Variants in IPCEF1 observed in about 807,000 individuals in gnomAD.
IPCEF1 encodes interactor protein for cytohesin exchange factors 1.
IPCEF1 carries 31 observed loss-of-function variants against 50.9 expected under a neutral mutation model. That is an observed-to-expected ratio of 0.61 (90% CI 0.46 to 0.82). The LOEUF is 0.82. IPCEF1 is among the 40% of genes least tolerant of loss of function. The pLI is 0.00. For missense variants in IPCEF1, 458 were observed against 514.0 expected (o/e 0.89, Z 1.05); for synonymous variants, 181 against 192.0 (o/e 0.94, Z 0.47).
chr6:154,210,561 T>C (rs755776711), intron 9 of IPCEF1, among the ~76,000 whole-genome samples: 1 of 152,202 alleles, frequency 6.6e-6, no homozygotes, highest in Non-Finnish European at 1.5e-5. Context: ...AAGGGTAAAC[T>C]AATCAGAAAG....
chr6:154,257,859 C>T (rs970701171), intron 3 of IPCEF1, among the ~76,000 whole-genome samples: 2 of 152,114 alleles, frequency 1.3e-5, no homozygotes, highest in South Asian at 4.1e-4. Flanking sequence ...CACACCAGGA[C>T]ATCTGGCTAA....
intron 1 of IPCEF1, among the ~76,000 whole-genome samples, chr6:154,356,067 A>G (rs1467073476): frequency 2.0e-5 from 3 of 152,214 alleles, no homozygotes; most frequent in Admixed American, 6.5e-5. Context: ...TGCTGTAGTC[A>G]AAGATGCTTC....
chr6:154,353,293 C>CTTT lies in IPCEF1; in HGVS notation c.-62+3376_-62+3378dup, dbSNP rs914097422. On this transcript the variant is annotated intron_variant, in intron 1 of 11. Transcript: ENST00000367220. ...GTCCATTTCTTTTCTTTTCCTTTTC[C>CTTT]TTTTTTTTTTTTTTTTTTTTGAGAT... Among the ~76,000 whole-genome samples the CTTT allele has an allele frequency of 3.7e-3, 470 of 127,836 alleles. 12 individuals carry two copies. Among genetic ancestry groups the CTTT allele is most frequent in the African/African-American group, 0.013 (433 of 33,266 alleles). The allele number at this position is 127,836 out of a possible 152,430, so 83.9% of individuals were successfully genotyped here.
chr6:154,187,643 C>T lies in IPCEF1; in HGVS notation c.910+12025G>A, dbSNP rs116688003. Among the ~76,000 whole-genome samples, 1,047 of 152,292 alleles carry T rather than the reference C, an allele frequency of 6.9e-3. 16 individuals are homozygous for T. The highest frequency in any genetic ancestry group is 0.023 in the African/African-American group (960 of 41,564). On this transcript the variant is annotated intron_variant, in intron 10 of 11. Coordinates refer to ENST00000367220, the MANE Select transcript of IPCEF1 (RefSeq NM_001130700.2). ...TCTTAGTTATATATGGCTTGGCTCA[C>T]ATCATGTCTCACTCAACCCTGTGTC... is the stretch of plus-strand genomic sequence containing the variant.
intron 1 of IPCEF1, among the ~76,000 whole-genome samples, chr6:154,333,410 G>T (rs1175461248): frequency 6.6e-6 from 1 of 152,026 alleles, no homozygotes; most frequent in African/African-American, 2.4e-5. Context: ...TCCTATGCTG[G>T]ATGCTTCCTG....
At chr6:154,277,873 GCCAGCTTCCTGTGGTCCGC>G (rs1009669609) in intron 2 of IPCEF1, among the ~76,000 whole-genome samples, 5 of 150,948 alleles carry the variant, frequency 3.3e-5, no homozygotes, top group Non-Finnish European at 5.9e-5. Context: ...TTTTTTTCCA[GCCAGCTTCCTGTGGTCCGC>G]CCAGCTTCCT....
intron 10 of IPCEF1, among the ~76,000 whole-genome samples, chr6:154,180,068 C>T (rs140261110): frequency 7.6e-4 from 115 of 152,290 alleles, no homozygotes; most frequent in African/African-American, 2.6e-3. Flanking sequence ...ACAACTAGCA[C>T]ACTGAGATTT....
At chr6:154,343,496 C>T (rs577666231) in intron 1 of IPCEF1, among the ~76,000 whole-genome samples, 7 of 152,266 alleles carry the variant, frequency 4.6e-5, no homozygotes, top group South Asian at 2.1e-4. Context: ...TTCCAAAATG[C>T]TCCACTTCCC....
chr6:154,292,638 A>G (rs1283506479), intron 1 of IPCEF1, among the ~76,000 whole-genome samples: 1 of 152,018 alleles, frequency 6.6e-6, no homozygotes, highest in Non-Finnish European at 1.5e-5. Flanking sequence ...TGTAACCTGT[A>G]CTCCCTGTTG....
intron 10 of IPCEF1, among the ~76,000 whole-genome samples, chr6:154,196,653 G>A (rs1481471417): frequency 6.6e-6 from 1 of 152,070 alleles, no homozygotes; most frequent in Non-Finnish European, 1.5e-5. Context: ...CATAAGTCAT[G>A]GTTCAAAAAA....
intron 9 of IPCEF1, among the ~76,000 whole-genome samples, chr6:154,203,201 G>A (rs902740782): frequency 6.6e-6 from 1 of 152,172 alleles, no homozygotes; most frequent in African/African-American, 2.4e-5. Flanking sequence ...GCAGAAGGCA[G>A]TGCTAGTCTC....
At chr6:154,204,721 C>T (rs1252264411) in intron 9 of IPCEF1, among the ~76,000 whole-genome samples, 1 of 152,158 alleles carries the variant, frequency 6.6e-6, no homozygotes, top group Admixed American at 6.5e-5. Context: ...ATCAGTGCCC[C>T]CCATCCCACC....
intron 5 of IPCEF1, among the ~76,000 whole-genome samples, chr6:154,242,132 C>T (rs868729360): frequency 1.8e-4 from 27 of 152,108 alleles, no homozygotes; most frequent in Non-Finnish European, 1.0e-4. Context: ...TGGCACAGCT[C>T]GTTTATATTT....
chr6:154,274,061 T>C (rs1451301032), intron 2 of IPCEF1, among the ~76,000 whole-genome samples: 1 of 151,724 alleles, frequency 6.6e-6, no homozygotes, highest in African/African-American at 2.4e-5. Flanking sequence ...CTGCTTTTTT[T>C]TTTTTTAACT....
At chr6:154,318,258 TC>T (rs1367869195) in intron 1 of IPCEF1, among the ~76,000 whole-genome samples, 5 of 152,100 alleles carry the variant, frequency 3.3e-5, no homozygotes, top group Non-Finnish European at 7.4e-5. Flanking sequence ...TAGTTTGAGT[TC>T]CATGAACATA....
At chr6:154,256,592 T>TCA (rs945738377) in intron 3 of IPCEF1, among the ~76,000 whole-genome samples, 1 of 151,202 alleles carries the variant, frequency 6.6e-6, no homozygotes, top group African/African-American at 2.4e-5. Context: ...TGTGTCTCTC[T>TCA]CACACACACA....
intron 1 of IPCEF1, among the ~76,000 whole-genome samples, chr6:154,351,683 C>A (rs1445711363): frequency 6.6e-6 from 1 of 152,188 alleles, no homozygotes; most frequent in Non-Finnish European, 1.5e-5. Flanking sequence ...GTTTGAATCC[C>A]TCTCCCCTGC....
intron 5 of IPCEF1, among the ~76,000 whole-genome samples, chr6:154,231,696 A>T (rs1779733661): frequency 6.6e-6 from 1 of 152,372 alleles, no homozygotes; most frequent in Middle Eastern, 3.4e-3. Flanking sequence ...TTGCGAAAAG[A>T]AACATGGGAA....
At chr6:154,348,413 T>C (rs1173785473) in intron 1 of IPCEF1, among the ~76,000 whole-genome samples, 1 of 152,210 alleles carries the variant, frequency 6.6e-6, no homozygotes, top group Non-Finnish European at 1.5e-5. Flanking sequence ...AGACTGGCTA[T>C]AACTGAGTCT....
Sources: allele counts gnomAD v4.1 joint callset (sites outside exome capture counted in the v4.1 genomes callset), GRCh38; gene constraint gnomAD v4.1.1; transcripts MANE v1.5; gene names NCBI Gene and HGNC (gene_info 2026-07-23, HGNC 2026-07-21).